TNS1: variants seen among roughly 807,000 people sequenced by gnomAD.
TNS1 encodes tensin 1.
A neutral mutation model predicts 168.6 loss-of-function variants in TNS1; 62 were observed. That is an observed-to-expected ratio of 0.37 (90% CI 0.30 to 0.45). TNS1 has a LOEUF of 0.45. Among genes scored for constraint, TNS1 ranks in the 20% least tolerant of loss-of-function variants. TNS1 has a pLI of 1.00. For missense variants in TNS1, 2,240 were observed against 2,339.4 expected, an observed-to-expected ratio of 0.96 and a Z score of 0.88; for synonymous variants, 934 against 933.2, an observed-to-expected ratio of 1.00 and a Z score of -0.02.
At chr2:217,932,555 A>C (rs1031308591) in intron 3 of TNS1, among the ~76,000 whole-genome samples, 8 of 152,178 alleles carry the variant, frequency 5.3e-5, no homozygotes, top group African/African-American at 1.7e-4. Context: ...AATTCTATGC[A>C]CTGGGCTCAG....
At chr2:217,868,433 A>T (rs1949480520) in intron 18 of TNS1, among the ~76,000 whole-genome samples, 1 of 152,188 alleles carries the variant, frequency 6.6e-6, no homozygotes, top group African/African-American at 2.4e-5. Context: ...GCATAGTGGG[A>T]AGAACACTGG....
chr2:217,818,840 T>C (rs1942366144), intron 23 of TNS1, 81 bp from the exon 24 acceptor site: 1 of 1,176,240 alleles, frequency 8.5e-7, no homozygotes. Context: ...CTGCCCTCCC[T>C]CCAACCATGA....
At chr2:217,935,367 G>T (rs1009223400) in intron 3 of TNS1, among the ~76,000 whole-genome samples, 1 of 152,210 alleles carries the variant, frequency 6.6e-6, no homozygotes, top group African/African-American at 2.4e-5. Flanking sequence ...ATGATGGGAG[G>T]AATTCTTAGG....
At chr2:217,961,914 G>A (rs779391132) in intron 3 of TNS1, among the ~76,000 whole-genome samples, 21 of 152,296 alleles carry the variant, frequency 1.4e-4, no homozygotes, top group South Asian at 4.1e-4. Context: ...CCTTGAAAAG[G>A]TGGGTGGCCT....
At chr2:217,889,311 A>G (rs796409079) in intron 12 of TNS1, among the ~76,000 whole-genome samples, 1 of 152,202 alleles carries the variant, frequency 6.6e-6, no homozygotes, top group African/African-American at 2.4e-5. Context: ...AATAGCCCCC[A>G]GCTGGGACAG....
chr2:217,805,053 G>A (rs2125025976), intron 32 of TNS1, among the ~76,000 whole-genome samples: 1 of 150,198 alleles, frequency 6.7e-6, no homozygotes, highest in Admixed American at 6.6e-5. Flanking sequence ...GACACCACAA[G>A]GTCAGGGAGA....
chr2:217,888,047 C>T (rs556008357), intron 12 of TNS1, among the ~76,000 whole-genome samples: 3 of 152,318 alleles, frequency 2.0e-5, no homozygotes, highest in Admixed American at 1.3e-4. Flanking sequence ...AGCCTGTGGG[C>T]CTCTGTCCCT....
At chr2:218,015,614 GCT>G (rs920108066) in intron 1 of TNS1, among the ~76,000 whole-genome samples, 1 of 152,122 alleles carries the variant, frequency 6.6e-6, no homozygotes, top group African/African-American at 2.4e-5. Context: ...GACCCTCGCA[GCT>G]CATTATTCAA....
intron 1 of TNS1, among the ~76,000 whole-genome samples, chr2:218,029,462 T>TC (rs1356805215): frequency 6.6e-6 from 1 of 152,212 alleles, no homozygotes; most frequent in Admixed American, 6.5e-5. Flanking sequence ...ATGAAAGTGT[T>TC]CTTAGCAGTG....
rs1002210693 is a variant in TNS1, at chr2:218,033,040, G to A, written c.156+780C>T. Among the ~76,000 whole-genome samples, 4 of 152,114 alleles carry A rather than the reference G, an allele frequency of 2.6e-5. No homozygotes were observed. The highest frequency in any genetic ancestry group is 9.7e-5 in the African/African-American group (4 of 41,400). Reference sequence around the variant, plus strand: ...CCTTTACCTGGCCCAACAGGCACCTGCCCCATGTCAAAGCTGGCTGTGTGG... The same window carrying A: ...CCTTTACCTGGCCCAACAGGCACCTACCCCATGTCAAAGCTGGCTGTGTGG... On this transcript the variant is annotated intron_variant, in intron 1 of 1. Transcript: ENST00000649572. This position sits in a 1 kb window ranked among gnomAD's most constrained non-coding sequence, Gnocchi z 4.3.
chr2:218,016,963 C>G (rs73080379), intron 1 of TNS1, among the ~76,000 whole-genome samples: 1,662 of 152,234 alleles, frequency 0.011, 25 homozygotes, highest in African/African-American at 0.037. Context: ...AATCAAAGAA[C>G]GAGGAGAGAA....
upstream of TNS1, among the ~76,000 whole-genome samples, chr2:218,003,329 C>A (rs1280562916): frequency 6.6e-6 from 1 of 152,094 alleles, no homozygotes; most frequent in Non-Finnish European, 1.5e-5. Context: ...AGCCTGGGGG[C>A]CTTCACTCCT....
At chr2:217,929,577 C>A (rs543145399) in intron 3 of TNS1, among the ~76,000 whole-genome samples, 4 of 152,128 alleles carry the variant, frequency 2.6e-5, no homozygotes, top group Non-Finnish European at 2.9e-5. Flanking sequence ...GGGCATGACC[C>A]GTCAGCATCC....
chr2:217,996,096 G>A (rs1304019672), intron 1 of TNS1, among the ~76,000 whole-genome samples: 1 of 152,188 alleles, frequency 6.6e-6, no homozygotes, highest in Non-Finnish European at 1.5e-5. Flanking sequence ...GCAGCAGTGA[G>A]GGTTGGGTGG....
At chr2:217,968,210 A>G (rs927001297) in intron 3 of TNS1, among the ~76,000 whole-genome samples, 1 of 152,232 alleles carries the variant, frequency 6.6e-6, no homozygotes, top group African/African-American at 2.4e-5. Flanking sequence ...GAAATATTGG[A>G]TAGTTTCCTC....
rs573707628 is a variant in TNS1 at position 217,873,212 on chromosome 2, A to C, written c.1429+7686T>G. 2.6e-5 allele frequency among the ~76,000 whole-genome samples: 4 copies of C among 152,340 alleles called. No individual in the cohort carries two copies. In the South Asian group the frequency reaches 8.3e-4, roughly 32 times the overall value. On this transcript the variant is annotated intron_variant, in intron 18 of 32. Transcript: ENST00000682258. ...ATATCTATACAGCTATTAAGTTTTTAAAAAGAGAGTGATGGCTGAAAACTG... is the reference window on the plus strand; with the variant it reads ...ATATCTATACAGCTATTAAGTTTTTCAAAAGAGAGTGATGGCTGAAAACTG...
chr2:217,837,382 T>A (rs1945315849), intron 19 of TNS1, among the ~76,000 whole-genome samples: 1 of 152,194 alleles, frequency 6.6e-6, no homozygotes, highest in African/African-American at 2.4e-5. Context: ...AAGGCTGCCA[T>A]AAACAGCGCC....
intron 3 of TNS1, among the ~76,000 whole-genome samples, chr2:217,975,406 T>C (rs1957869152): frequency 6.6e-6 from 1 of 152,158 alleles, no homozygotes; most frequent in African/African-American, 2.4e-5. Flanking sequence ...TATTACACCA[T>C]ATCACTCTGT....
At chr2:217,858,087 G>T (rs1250008676) in intron 18 of TNS1, among the ~76,000 whole-genome samples, 6 of 152,124 alleles carry the variant, frequency 3.9e-5, no homozygotes, top group African/African-American at 7.2e-5. Flanking sequence ...ATGCAGGGAG[G>T]GGGCGTCCTG....
Sources: gnomAD v4.1 joint callset for allele counts (sites outside exome capture counted in the v4.1 genomes callset) on GRCh38, gnomAD v4.1.1 for gene constraint, Gnocchi (gnomAD v3.1) non-coding constraint, MANE v1.5 for transcripts, NCBI Gene and HGNC (gene_info 2026-07-23, HGNC 2026-07-21) for gene names.